EGLN3: variants seen among roughly 807,000 people sequenced by gnomAD.
EGLN3 encodes the protein prolyl hydroxylase EGLN3.
Under a neutral mutation model 26.0 loss-of-function variants are expected in EGLN3, and 15 were observed. That is an observed-to-expected ratio of 0.58 (90% confidence interval 0.39 to 0.89). EGLN3 has a LOEUF of 0.89. Among genes scored for constraint, EGLN3 ranks in the 40% least tolerant of loss-of-function variants. The probability of loss-of-function intolerance (pLI) is 0.00; values close to 1 mark genes in which losing one functional copy is unlikely to be tolerated. For synonymous variants in EGLN3, 147 were observed against 127.2 expected, an observed-to-expected ratio of 1.16 and a Z score of -1.05; for missense variants, 238 against 311.6, an observed-to-expected ratio of 0.76 and a Z score of 1.78.
At chr14:33,933,454 G>A (rs1156314471) in intron 1 of EGLN3, among the ~76,000 whole-genome samples, 2 of 152,042 alleles carry the variant, frequency 1.3e-5, no homozygotes, top group African/African-American at 2.4e-5. Flanking sequence ...CAAAGTATCC[G>A]ACTGCTTAAG....
chr14:33,942,886 G>T (rs903960160), intron 1 of EGLN3, among the ~76,000 whole-genome samples: 8 of 152,158 alleles, frequency 5.3e-5, no homozygotes, highest in African/African-American at 1.7e-4. Flanking sequence ...TAATAAGGAG[G>T]TATTGACACT....
intron 1 of EGLN3, among the ~76,000 whole-genome samples, chr14:33,933,152 G>C (rs2064415956): frequency 6.6e-6 from 1 of 152,094 alleles, no homozygotes. Context: ...GTGATCCCAG[G>C]CTGTCTCTTT....
intron 4 of EGLN3, 32 bp from the exon 5 acceptor site, chr14:33,925,954 G>T: frequency 6.2e-7 from 1 of 1,610,018 alleles, no homozygotes; most frequent in South Asian, 1.1e-5. Context: ...GAATAAAGAG[G>T]GTATGGAGTC....
chr14:33,935,852 G>C (rs1272881585), intron 1 of EGLN3, among the ~76,000 whole-genome samples: 1 of 152,058 alleles, frequency 6.6e-6, no homozygotes, highest in African/African-American at 2.4e-5. Flanking sequence ...TGTCCACCCA[G>C]TACAGAGCAA....
At chr14:33,941,990 G>C (rs1859326324) in intron 1 of EGLN3, among the ~76,000 whole-genome samples, 1 of 152,172 alleles carries the variant, frequency 6.6e-6, no homozygotes, top group Non-Finnish European at 1.5e-5. Flanking sequence ...CAGATGTAGA[G>C]GGCTGTCAAA....
At position 33,950,445 on chromosome 14, in the gene EGLN3, A is replaced by G; in HGVS notation, c.308T>C (p.Leu103Pro). The G allele has an allele frequency of 6.2e-7, 1 of 1,613,352 alleles. No individual in the cohort carries two copies. Among genetic ancestry groups the G allele is most frequent in the Non-Finnish European group, 8.5e-7 (1 of 1,180,022 alleles). ...TTTGCCCAGCCGGCTCCCGCAGTAG[A>G]GGACCAGCCTGTCGATGAGGGACAG... is the stretch of plus-strand genomic sequence containing the variant. ...FLLSLIDRLV[L>P]YCGSRLGKYY... Residue 103 changes from leucine (L) to proline (P), a missense_variant, in exon 1 of 5, where the codon CTC becomes CCC. Leu to Pro is a moderately conservative substitution (Grantham distance 98). Coordinates refer to ENST00000250457, the MANE Select transcript of EGLN3 (RefSeq NM_022073.4).
At chr14:33,936,649 A>G (rs1405654525) in intron 1 of EGLN3, among the ~76,000 whole-genome samples, 1 of 152,130 alleles carries the variant, frequency 6.6e-6, no homozygotes, top group African/African-American at 2.4e-5. Context: ...GAACAAAGGC[A>G]CTATATGTGC....
intron 1 of EGLN3, among the ~76,000 whole-genome samples, chr14:33,934,571 T>C (rs557594463): frequency 3.3e-5 from 5 of 151,338 alleles, no homozygotes; most frequent in Non-Finnish European, 7.4e-5. Context: ...TTGAATGCCA[T>C]CAACCGCAGC....
intron 1 of EGLN3, among the ~76,000 whole-genome samples, chr14:33,934,010 C>A (rs1410538469): frequency 6.6e-6 from 1 of 152,184 alleles, no homozygotes; most frequent in Admixed American, 6.5e-5. Flanking sequence ...TCTAAAACTT[C>A]CTGACTAGAT....
intron 1 of EGLN3, among the ~76,000 whole-genome samples, chr14:33,940,838 G>A (rs145090578): frequency 6.6e-6 from 1 of 152,322 alleles, no homozygotes; most frequent in Non-Finnish European, 1.5e-5. Flanking sequence ...GCTTTGCAGT[G>A]TCATTCCCGA....
At chr14:33,948,934 G>C (rs2064536795) in intron 1 of EGLN3, 1 of 152,122 alleles carries the variant, frequency 6.6e-6, no homozygotes, top group Non-Finnish European at 1.5e-5. Context: ...AGACAGCAAG[G>C]TCATTTAATG....
chr14:33,928,771 A>G (rs968971102), intron 3 of EGLN3, among the ~76,000 whole-genome samples: 3 of 152,192 alleles, frequency 2.0e-5, no homozygotes, highest in African/African-American at 7.2e-5. Flanking sequence ...TTTTAAAAAA[A>G]GGGAAAGAGA....
chr14:33,950,245 G>C (rs992898), intron 1 of EGLN3, 151 bp downstream of exon 1: 6 of 735,126 alleles, frequency 8.2e-6, no homozygotes, highest in Non-Finnish European at 1.4e-5. Flanking sequence ...GGCGAGGGGT[G>C]GGGGGAAGCA....
chr14:33,936,829 A>G (rs1330026709), intron 1 of EGLN3, among the ~76,000 whole-genome samples: 2 of 152,224 alleles, frequency 1.3e-5, no homozygotes, highest in Non-Finnish European at 2.9e-5. Flanking sequence ...TAAAAAAAAA[A>G]AAATCTAAAG....
intron 4 of EGLN3, among the ~76,000 whole-genome samples, chr14:33,926,682 T>A (rs10147032): frequency 0.55 from 83,019 of 152,002 alleles, 23,168 homozygotes; most frequent in South Asian, 0.71. Context: ...TAATGTTACA[T>A]TTGACTGGTT....
rs2064550913 is a variant in EGLN3, at chr14:33,950,471, G to A, written c.282C>T (p.Leu94=). ...NEEGCEAISF[L]LSLIDRLVLY... ...GGACCAGCCTGTCGATGAGGGACAGGAGGAAGCTGATGGCCTCGCAGCCCT... is the reference window on the plus strand; with the variant it reads ...GGACCAGCCTGTCGATGAGGGACAGAAGGAAGCTGATGGCCTCGCAGCCCT... The change falls in exon 1 of 5, where the codon CTC becomes CTT. Residue 94 remains leucine, a synonymous_variant. Transcript: ENST00000250457. 6.2e-7 allele frequency: 1 copy of A among 1,613,596 alleles called. No individual in the cohort carries two copies. Among genetic ancestry groups the A allele is most frequent in the South Asian group, 1.1e-5 (1 of 91,086 alleles).
intron 2 of EGLN3, among the ~76,000 whole-genome samples, chr14:33,930,318 TGATTC>T: frequency 6.6e-6 from 1 of 152,352 alleles, no homozygotes; most frequent in South Asian, 2.1e-4. Context: ...GCCTTTTCAC[TGATTC>T]AATGGTTTCC....
rs34931469 is a variant in EGLN3, at chr14:33,935,586, TACACACACACACACAC to T, written c.358-4387_358-4372del. Among the ~76,000 whole-genome samples the T allele has an allele frequency of 3.6e-3, 530 of 146,902 alleles. 5 individuals are homozygous for T. Among genetic ancestry groups the T allele is most frequent in the African/African-American group, 0.012 (467 of 39,460 alleles). On this transcript the variant is annotated intron_variant, in intron 1 of 4. Transcript: ENST00000250457. ...TTTTTTAATCAGGGCTATAAATAAATACACACACACACACACACACACACACACACACACATATATA... is the reference window on the plus strand; with the variant it reads ...TTTTTTAATCAGGGCTATAAATAAATACACACACACACACACACATATATA...
intron 1 of EGLN3, among the ~76,000 whole-genome samples, chr14:33,934,314 C>T (rs1334361085): frequency 6.6e-6 from 1 of 152,006 alleles, no homozygotes; most frequent in East Asian, 1.9e-4. Flanking sequence ...GCAGCCATGT[C>T]CAGACAACAA....
Sources: gnomAD v4.1 joint callset for allele counts (sites outside exome capture counted in the v4.1 genomes callset) on GRCh38, gnomAD v4.1.1 for gene constraint, MANE v1.5 for transcripts, NCBI Gene and HGNC (gene_info 2026-07-23, HGNC 2026-07-21) for gene names.